TMPRSS11D: variants seen among roughly 807,000 people sequenced by gnomAD.
TMPRSS11D encodes transmembrane serine protease 11D, also known as transmembrane protease serine 11D.
TMPRSS11D carries 32 observed loss-of-function variants against 44.4 expected under a neutral mutation model. The ratio of observed to expected loss-of-function variants is 0.72; its 90% CI spans 0.54 to 0.97. TMPRSS11D has a LOEUF of 0.97. Among genes scored for constraint, TMPRSS11D ranks in the 50% least tolerant of loss-of-function variants. TMPRSS11D has a pLI of 0.00. For synonymous variants in TMPRSS11D, 179 were observed against 177.9 expected (o/e 1.01, Z -0.05); for missense variants, 446 against 502.6 (o/e 0.89, Z 1.08).
At chr4:67,825,690 A>C (rs1717773033) in intron 9 of TMPRSS11D, 42 bp downstream of exon 9, 1 of 1,604,312 alleles carries the variant, frequency 6.2e-7, no homozygotes, top group Admixed American at 1.7e-5. Flanking sequence ...GTGCTTATAC[A>C]CTTCTTGGAT....
chr4:67,877,510 A>G (rs1719220232), intron 1 of TMPRSS11D, among the ~76,000 whole-genome samples: 1 of 152,218 alleles, frequency 6.6e-6, no homozygotes. Context: ...TTCAGACTAC[A>G]ATATCCAGCT....
chr4:67,863,691 G>T (rs1048686312), intron 1 of TMPRSS11D, among the ~76,000 whole-genome samples: 1 of 151,820 alleles, frequency 6.6e-6, no homozygotes, highest in African/African-American at 2.4e-5. Context: ...TCAGCTATGT[G>T]ATCTCACATT....
At position 67,822,092 on chromosome 4, in the gene TMPRSS11D, T is replaced by C. The variant is rs1168452031; in HGVS notation, c.*245A>G. The C allele has an allele frequency of 2.5e-6, 1 of 398,916 alleles. No individual in the cohort carries two copies. The highest frequency in any genetic ancestry group is 4.5e-6 in the Non-Finnish European group (1 of 221,776). 24.7% of individuals were successfully genotyped at this position (398,916 alleles called of 1,614,324 possible). A position where few individuals can be genotyped will look rare whatever the true frequency, so the allele number is the denominator to read the frequency against. The stretch of plus-strand genomic sequence containing the variant: ...TGTAATGAAATTGTTAACTTTGTAA[T>C]TAGTTTAGTGTGTTTCTTCTGTTAC... On this transcript the variant is annotated 3_prime_UTR_variant, in exon 10 of 10. Coordinates refer to ENST00000283916, the MANE Select transcript of TMPRSS11D (RefSeq NM_004262.3).
chr4:67,833,090 G>T, intron 7 of TMPRSS11D, 114 bp downstream of exon 7: 2 of 1,061,322 alleles, frequency 1.9e-6, no homozygotes, highest in South Asian at 4.4e-5. Flanking sequence ...AATTCTTACT[G>T]ATTTTTTTGC....
chr4:67,863,163 A>G (rs1036459731), intron 1 of TMPRSS11D, among the ~76,000 whole-genome samples: 4 of 151,316 alleles, frequency 2.6e-5, no homozygotes, highest in African/African-American at 9.7e-5. Context: ...ACCTTGGGCA[A>G]CTACACTGTG....
At chr4:67,839,959 C>G (rs1397504972) in intron 4 of TMPRSS11D, among the ~76,000 whole-genome samples, 1 of 149,062 alleles carries the variant, frequency 6.7e-6, no homozygotes, top group African/African-American at 2.5e-5. Context: ...TTAGGTGTAT[C>G]TCCTAATGCT....
chr4:67,850,654 G>A (rs149510279), intron 3 of TMPRSS11D, among the ~76,000 whole-genome samples: 10 of 152,308 alleles, frequency 6.6e-5, no homozygotes, highest in Middle Eastern at 3.4e-3. Flanking sequence ...ATGTAGTAAA[G>A]GAGTGCACTT....
At chr4:67,855,354 G>T (rs1266833060) in intron 2 of TMPRSS11D, among the ~76,000 whole-genome samples, 1 of 151,326 alleles carries the variant, frequency 6.6e-6, no homozygotes, top group Non-Finnish European at 1.5e-5. Flanking sequence ...ATATCAAAAA[G>T]ATAATATACC....
intron 7 of TMPRSS11D, among the ~76,000 whole-genome samples, chr4:67,831,538 T>C (rs969449418): frequency 3.9e-5 from 6 of 152,130 alleles, no homozygotes; most frequent in African/African-American, 1.2e-4. Flanking sequence ...TTTTTGGTGA[T>C]TGGGACTGAA....
chr4:67,823,409 G>C (rs56339946), intron 9 of TMPRSS11D, among the ~76,000 whole-genome samples: 65,197 of 151,810 alleles, frequency 0.43, 16,537 homozygotes, highest in South Asian at 0.63. Flanking sequence ...TAAGTCTGTG[G>C]GTTCTGAAAC....
chr4:67,859,650 A>G lies in TMPRSS11D; in HGVS notation c.37T>C (p.Phe13Leu), dbSNP rs765610565. ...RPARVTSTSR[F>L]LNPYVVCFIV... ...AAACATACTACATATGGATTCAGAA[A>G]TCTTGAAGTCGAAGTTACACGTGCT... Residue 13 changes from phenylalanine (F) to leucine (L), a missense_variant, in exon 2 of 10, where the codon TTT (phenylalanine) becomes CTT (leucine). Physicochemically the swap from Phe to Leu is conservative, Grantham distance 22. Coordinates refer to ENST00000283916, the MANE Select transcript of TMPRSS11D (RefSeq NM_004262.3). 6.2e-7 allele frequency: 1 copy of G among 1,613,118 alleles called. No individual in the cohort carries two copies. The highest frequency in any genetic ancestry group is 2.2e-5 in the East Asian group (1 of 44,852).
intron 3 of TMPRSS11D, among the ~76,000 whole-genome samples, 198 bp from the exon 4 acceptor site, chr4:67,842,823 A>T (rs553418049): frequency 6.6e-6 from 1 of 152,184 alleles, no homozygotes; most frequent in Non-Finnish European, 1.5e-5. Flanking sequence ...CTATTCCTTT[A>T]TCTGTTATAC....
intron 3 of TMPRSS11D, among the ~76,000 whole-genome samples, chr4:67,851,724 AT>A (rs72087744): frequency 0.23 from 34,561 of 152,096 alleles, 4,196 homozygotes; most frequent in East Asian, 0.36. Flanking sequence ...ACCTGCTTTC[AT>A]TTCGGTTTCC....
intron 1 of TMPRSS11D, among the ~76,000 whole-genome samples, chr4:67,881,226 T>C (rs1445747123): frequency 6.6e-6 from 1 of 152,170 alleles, no homozygotes; most frequent in Non-Finnish European, 1.5e-5. Context: ...ATTTTAGGGG[T>C]GCCAGTCATA....
At chr4:67,850,950 A>T (rs547661166) in intron 3 of TMPRSS11D, among the ~76,000 whole-genome samples, 1 of 152,196 alleles carries the variant, frequency 6.6e-6, no homozygotes, top group African/African-American at 2.4e-5. Context: ...CACTGGACCC[A>T]TGTGGCAGGT....
chr4:67,871,813 T>A (rs760701778), intron 1 of TMPRSS11D, among the ~76,000 whole-genome samples: 1 of 152,178 alleles, frequency 6.6e-6, no homozygotes, highest in Non-Finnish European at 1.5e-5. Flanking sequence ...TGAATCTGCC[T>A]AAATGATTTG....
chr4:67,827,110 G>A, intron 8 of TMPRSS11D, 151 bp downstream of exon 8: 1 of 923,174 alleles, frequency 1.1e-6, no homozygotes, highest in Admixed American at 3.3e-5. Context: ...GAGACTCAGG[G>A]GTAGCCAGAG....
intron 4 of TMPRSS11D, among the ~76,000 whole-genome samples, chr4:67,839,325 A>T (rs1718177232): frequency 6.6e-6 from 1 of 152,146 alleles, no homozygotes; most frequent in South Asian, 2.1e-4. Flanking sequence ...TACAACTTCC[A>T]TGTCTAGCAA....
At position 67,821,091 on chromosome 4, in the gene TMPRSS11D, G is replaced by A. The variant is rs868866799; in HGVS notation, c.*1246C>T. 4 of 152,234 alleles carry A rather than the reference G, an allele frequency of 2.6e-5. No individual in the cohort carries two copies. Among genetic ancestry groups the A allele is most frequent in the African/African-American group, 9.7e-5 (4 of 41,450 alleles). 9.4% of individuals were successfully genotyped at this position (152,234 alleles called of 1,614,324 possible). On this transcript the variant is annotated 3_prime_UTR_variant, in exon 10 of 10. Coordinates refer to ENST00000283916, the MANE Select transcript of TMPRSS11D (RefSeq NM_004262.3). ...TGCAGGGAGTTAGCTTGTAGAAGGA[G>A]GAAGCTCTGACGCATAGATGATCAT...
Sources: gnomAD v4.1 joint callset for allele counts (sites outside exome capture counted in the v4.1 genomes callset) on GRCh38, gnomAD v4.1.1 for gene constraint, MANE v1.5 for transcripts, NCBI Gene and HGNC (gene_info 2026-07-23, HGNC 2026-07-21) for gene names.